The following GRM3 variants were observed in gnomAD, a reference collection of about 807,000 sequenced individuals.
GRM3 encodes glutamate metabotropic receptor 3.
In GRM3, 26 loss-of-function variants were observed where a neutral mutation model predicts 70.5. The ratio of observed to expected loss-of-function variants is 0.37; its 90% CI spans 0.27 to 0.51. The LOEUF is 0.51. GRM3 is among the 20% of genes least tolerant of loss of function. GRM3 has a pLI of 0.93. For synonymous variants in GRM3, 443 were observed against 434.9 expected, an observed-to-expected ratio of 1.02 and a Z score of -0.23; for missense variants, 859 against 1,123.8, an observed-to-expected ratio of 0.76 and a Z score of 3.37.
At chr7:86,749,041 G>A (rs79972598) in intron 1 of GRM3, among the ~76,000 whole-genome samples, 3,267 of 152,114 alleles carry the variant, frequency 0.021, 104 homozygotes, top group African/African-American at 0.072. Context: ...GGCAACATTA[G>A]TAATATTGAA....
chr7:86,723,810 C>T (rs1795529992), intron 1 of GRM3, among the ~76,000 whole-genome samples: 1 of 152,112 alleles, frequency 6.6e-6, no homozygotes, highest in Admixed American at 6.6e-5. Flanking sequence ...CAGCTCCACC[C>T]TCATACTAAT....
chr7:86,644,858 A>G lies in GRM3; in HGVS notation c.-155A>G, dbSNP rs1396222843. 1.6e-6 allele frequency: 2 copies of G among 1,288,908 alleles called. No homozygotes were observed. The highest frequency in any genetic ancestry group is 1.0e-6 in the Non-Finnish European group (1 of 988,286). The allele number at this position is 1,288,908 out of a possible 1,614,324, so 79.8% of individuals were successfully genotyped here. A position where few individuals can be genotyped will look rare whatever the true frequency, so the allele number is the denominator to read the frequency against. The stretch of plus-strand genomic sequence containing the variant: ...GCGGTCAGCTCCAGTTCCTGCCAGG[A>G]GTTGTCGGTGCGAGGTAAGGGTCCC... On this transcript the variant is annotated 5_prime_UTR_variant, in exon 1 of 6. Coordinates refer to ENST00000361669, the MANE Select transcript of GRM3 (RefSeq NM_000840.3).
At chr7:86,761,884 G>C (rs903149311) in intron 1 of GRM3, among the ~76,000 whole-genome samples, 4 of 152,084 alleles carry the variant, frequency 2.6e-5, no homozygotes, top group Non-Finnish European at 4.4e-5. Context: ...TTTTGGCTAA[G>C]AGCCCTTTCC....
intron 1 of GRM3, among the ~76,000 whole-genome samples, chr7:86,681,139 T>C (rs1341978024): frequency 6.6e-6 from 1 of 152,274 alleles, no homozygotes; most frequent in East Asian, 1.9e-4. Flanking sequence ...TATCACTCCT[T>C]TTATTTAAAC....
At position 86,843,370 on chromosome 7, in the gene GRM3, C is replaced by T. The variant is rs151196817; in HGVS notation, c.2391+3465C>T. On this transcript the variant is annotated intron_variant, in intron 4 of 5. Coordinates refer to ENST00000361669, the MANE Select transcript of GRM3 (RefSeq NM_000840.3). ...ACAGACGCATCCATAATATGAAGGACGGATTTGAAAGGGTAGAGTCTAAAT... is the reference window on the plus strand; with the variant it reads ...ACAGACGCATCCATAATATGAAGGATGGATTTGAAAGGGTAGAGTCTAAAT... Among the ~76,000 whole-genome samples the T allele has an allele frequency of 5.0e-3, 765 of 152,110 alleles. 3 individuals carry two copies. Among genetic ancestry groups the T allele is most frequent in the African/African-American group, 0.017 (716 of 41,494 alleles).
chr7:86,672,420 CT>C, intron 1 of GRM3, among the ~76,000 whole-genome samples: 1 of 152,232 alleles, frequency 6.6e-6, no homozygotes, highest in African/African-American at 2.4e-5. Flanking sequence ...CCCTCAGTTC[CT>C]TCTGTGCATA....
At chr7:86,845,650 T>C (rs1331865727) in intron 4 of GRM3, among the ~76,000 whole-genome samples, 1 of 152,068 alleles carries the variant, frequency 6.6e-6, no homozygotes, top group Non-Finnish European at 1.5e-5. Flanking sequence ...TTAAGTAATA[T>C]TTTCCTTAAT....
chr7:86,802,174 C>T (rs532475268), intron 3 of GRM3, among the ~76,000 whole-genome samples: 28 of 152,202 alleles, frequency 1.8e-4, no homozygotes, highest in Non-Finnish European at 3.7e-4. Context: ...TTAAATGTGT[C>T]TCAAAAGTGT....
Position 86,711,352 on chromosome 7 carries a change from G to A in GRM3, c.-140-53654G>A, listed in dbSNP as rs187748891. Among the ~76,000 whole-genome samples, 12 of 152,022 alleles carry A rather than the reference G, an allele frequency of 7.9e-5. No homozygotes were observed. The South Asian group carries it at 1.2e-3, about 16-fold the overall frequency. On this transcript the variant is annotated intron_variant, in intron 1 of 5. Coordinates refer to ENST00000361669, the MANE Select transcript of GRM3 (RefSeq NM_000840.3). Reference sequence around the variant, plus strand: ...TGCATGCACATATGTATATAAATATGTATGCATATATTAGGCCATATTTTC... The same window carrying A: ...TGCATGCACATATGTATATAAATATATATGCATATATTAGGCCATATTTTC...
At position 86,793,344 on chromosome 7, in the gene GRM3, T is replaced by C. The variant is rs116381948; in HGVS notation, c.1324+6228T>C. Among the ~76,000 whole-genome samples the C allele has an allele frequency of 7.2e-3, 1,099 of 152,270 alleles. 17 individuals carry two copies. Among genetic ancestry groups the C allele is most frequent in the African/African-American group, 0.025 (1,045 of 41,552 alleles). ...CCAGCAAGGCTCTCCTCTTGAAAAG[T>C]ACAGGGCCATCCAAGGCACAGTGAG... On this transcript the variant is annotated intron_variant, in intron 3 of 5. Coordinates refer to ENST00000361669, the MANE Select transcript of GRM3 (RefSeq NM_000840.3).
At chr7:86,756,236 G>A (rs1431076405) in intron 1 of GRM3, among the ~76,000 whole-genome samples, 3 of 151,994 alleles carry the variant, frequency 2.0e-5, no homozygotes, top group East Asian at 3.9e-4. Flanking sequence ...ACACCACCAA[G>A]CCCAGCTAAT....
At chr7:86,655,781 C>T (rs1263632724) in intron 1 of GRM3, among the ~76,000 whole-genome samples, 1 of 151,636 alleles carries the variant, frequency 6.6e-6, no homozygotes, top group East Asian at 1.9e-4. Context: ...TCCTACCTGA[C>T]AAACTTCACA....
In GRM3 at chr7:86,820,178, A is replaced by G. The variant is rs1310842208; in HGVS notation, c.1325-18661A>G. On this transcript the variant is annotated intron_variant, in intron 3 of 5. Coordinates refer to ENST00000361669, the MANE Select transcript of GRM3 (RefSeq NM_000840.3). ...AGAGAAGGCATCTGGCTCATAGCAT[A>G]TAGAAAGGATGTCAATATTGTGGAA... Among the ~76,000 whole-genome samples the G allele has an allele frequency of 5.3e-5, 8 of 152,310 alleles. No individual in the cohort carries two copies. In the East Asian group the frequency reaches 1.5e-3, roughly 29 times the overall value.
chr7:86,853,059 C>T (rs1339197858), intron 5 of GRM3, among the ~76,000 whole-genome samples: 1 of 152,068 alleles, frequency 6.6e-6, no homozygotes, highest in East Asian at 1.9e-4. Context: ...TACACAGTAA[C>T]GAATAGGACG....
intron 4 of GRM3, among the ~76,000 whole-genome samples, chr7:86,846,879 CTG>C (rs1798665952): frequency 6.6e-6 from 1 of 152,188 alleles, no homozygotes. Flanking sequence ...CTGTCAAAGA[CTG>C]TAGTGCCTGA....
At chr7:86,780,068 G>T (rs761670386) in intron 2 of GRM3, among the ~76,000 whole-genome samples, 2 of 152,148 alleles carry the variant, frequency 1.3e-5, no homozygotes, top group Non-Finnish European at 2.9e-5. Flanking sequence ...ATTTTTTATG[G>T]CTGCATAGTA....
At chr7:86,674,898 T>A (rs1005467015) in intron 1 of GRM3, among the ~76,000 whole-genome samples, 1 of 152,110 alleles carries the variant, frequency 6.6e-6, no homozygotes, top group African/African-American at 2.4e-5. Flanking sequence ...ATCTATTAAG[T>A]CCCAATGCAT....
chr7:86,658,703 AG>A (rs1236099525), intron 1 of GRM3, among the ~76,000 whole-genome samples: 5 of 152,180 alleles, frequency 3.3e-5, no homozygotes, highest in African/African-American at 1.2e-4. Flanking sequence ...TAAATTGAAC[AG>A]GGGTTAATTA....
At chr7:86,708,720 A>G (rs551028083) in intron 1 of GRM3, among the ~76,000 whole-genome samples, 150 of 152,278 alleles carry the variant, frequency 9.9e-4, no homozygotes, top group Non-Finnish European at 1.8e-3. Context: ...GAAGCAAATC[A>G]GTTTCAAAGT....
Sources: allele counts gnomAD v4.1 joint callset (sites outside exome capture counted in the v4.1 genomes callset), GRCh38; gene constraint gnomAD v4.1.1; transcripts MANE v1.5; gene names NCBI Gene and HGNC (gene_info 2026-07-23, HGNC 2026-07-21).